The following LIMCH1 variants were observed in gnomAD, a reference collection of about 807,000 sequenced individuals.
The protein encoded by LIMCH1 is LIM and calponin homology domains-containing protein 1.
A neutral mutation model predicts 176.5 loss-of-function variants in LIMCH1; 113 were observed. The observed-to-expected ratio is 0.64, with a 90% CI of 0.55 to 0.75. The LOEUF is 0.75. Among genes scored for constraint, LIMCH1 ranks in the 30% least tolerant of loss-of-function variants. LIMCH1 has a pLI of 0.00. For synonymous variants in LIMCH1, 619 were observed against 645.9 expected, an observed-to-expected ratio of 0.96 and a Z score of 0.63; for missense variants, 1,674 against 1,814.9, an observed-to-expected ratio of 0.92 and a Z score of 1.41.
intron 1 of LIMCH1, among the ~76,000 whole-genome samples, chr4:41,455,057 G>A (rs1452718974): frequency 6.6e-6 from 1 of 151,756 alleles, no homozygotes; most frequent in Non-Finnish European, 1.5e-5. Context: ...CATAGATACA[G>A]TCATAAAATG....
intron 1 of LIMCH1, among the ~76,000 whole-genome samples, chr4:41,392,225 G>A (rs959841283): frequency 1.3e-5 from 2 of 152,114 alleles, no homozygotes; most frequent in Non-Finnish European, 2.9e-5. Flanking sequence ...ATTCTAGTAG[G>A]GATGTAATAA....
chr4:41,636,989 T>A lies in LIMCH1; in HGVS notation c.2091-1943T>A, dbSNP rs888001123. ...TAAAATGTTAATTAAAATATTCAAA[T>A]TGAAACACAAAAACACATAGCAACT... On this transcript the variant is annotated intron_variant, in intron 13 of 31. Transcript: ENST00000503057. Among the ~76,000 whole-genome samples, 4 of 152,326 alleles carry A rather than the reference T, an allele frequency of 2.6e-5. No homozygotes were observed. In the South Asian group the frequency reaches 6.2e-4, roughly 24 times the overall value.
intron 1 of LIMCH1, among the ~76,000 whole-genome samples, chr4:41,386,948 A>G (rs916929240): frequency 5.9e-5 from 9 of 152,180 alleles, no homozygotes; most frequent in East Asian, 1.9e-4. Flanking sequence ...GCTATATGCT[A>G]TGGTAAAACA....
chr4:41,663,161 G>GTGTGTGTGTA (rs2094690999), intron 20 of LIMCH1, among the ~76,000 whole-genome samples, 177 bp downstream of exon 20: 1 of 150,688 alleles, frequency 6.6e-6, no homozygotes, highest in Non-Finnish European at 1.5e-5. Context: ...GTGTGTGTGT[G>GTGTGTGTGTA]TGTGTGTGTG....
intron 1 of LIMCH1, among the ~76,000 whole-genome samples, chr4:41,432,689 T>G (rs919682967): frequency 9.2e-5 from 14 of 152,190 alleles, no homozygotes; most frequent in Non-Finnish European, 1.5e-5. Flanking sequence ...GAATGACAGC[T>G]ATAGTTTGAG....
intron 1 of LIMCH1, among the ~76,000 whole-genome samples, chr4:41,382,067 T>C (rs2055760101): frequency 6.6e-6 from 1 of 152,194 alleles, no homozygotes; most frequent in South Asian, 2.1e-4. Flanking sequence ...CCAGCTAAGA[T>C]CAGCAGTGCT....
intron 1 of LIMCH1, among the ~76,000 whole-genome samples, chr4:41,559,033 C>T (rs564115442): frequency 2.0e-4 from 30 of 151,916 alleles, no homozygotes; most frequent in Non-Finnish European, 3.7e-4. Flanking sequence ...GCATTGTCTT[C>T]GTGGCTGAAA....
intron 18 of LIMCH1, among the ~76,000 whole-genome samples, chr4:41,651,293 A>G (rs2094288529): frequency 6.6e-6 from 1 of 152,170 alleles, no homozygotes. Flanking sequence ...GGCATGAGCT[A>G]CCACACCCAG....
chr4:41,619,776 A>G (rs1166697141), intron 6 of LIMCH1: 2 of 322,898 alleles, frequency 6.2e-6, no homozygotes, highest in Non-Finnish European at 1.2e-5. Flanking sequence ...ATCCTGTCAG[A>G]TTAGGCGTAG....
chr4:41,626,322 A>G (rs2092947588), intron 7 of LIMCH1, among the ~76,000 whole-genome samples: 1 of 152,130 alleles, frequency 6.6e-6, no homozygotes, highest in African/African-American at 2.4e-5. Context: ...TTGCCCTGTC[A>G]GTCAAAAACA....
At chr4:41,365,643 T>A (rs1000292145) in intron 1 of LIMCH1, among the ~76,000 whole-genome samples, 1 of 152,194 alleles carries the variant, frequency 6.6e-6, no homozygotes. Flanking sequence ...AGAAAAAACT[T>A]TTCTGGCTAG....
At chr4:41,570,335 T>G (rs1002802482) in intron 1 of LIMCH1, among the ~76,000 whole-genome samples, 1 of 152,246 alleles carries the variant, frequency 6.6e-6, no homozygotes, top group African/African-American at 2.4e-5. Flanking sequence ...AAGAAATACT[T>G]TCAAAACATG....
At chr4:41,448,012 A>G (rs2063453632) in intron 1 of LIMCH1, among the ~76,000 whole-genome samples, 1 of 152,120 alleles carries the variant, frequency 6.6e-6, no homozygotes, top group African/African-American at 2.4e-5. Flanking sequence ...GCTGGTCTCA[A>G]ACTCCTGACC....
At chr4:41,565,069 C>A (rs907883891) in intron 1 of LIMCH1, among the ~76,000 whole-genome samples, 13 of 152,110 alleles carry the variant, frequency 8.5e-5, no homozygotes, top group African/African-American at 2.7e-4. Flanking sequence ...GACTGATACA[C>A]CCAATTAAAA....
chr4:41,646,707 A>G lies in LIMCH1; in HGVS notation c.2634A>G (p.Ser878=), dbSNP rs754764506. The change falls in exon 17 of 32, where the codon TCA becomes TCG. Residue 878 remains serine (S), a synonymous_variant. Transcript: ENST00000503057. ...CCATGAAATACCTGCGGCAACAGTC[A>G]CTGCCTCCACCCAAATTCACTGCCA... The part of the protein sequence containing the change: ...PNPMKYLRQQ[S]LPPPKFTATV... 6.2e-7 allele frequency: 1 copy of G among 1,614,198 alleles called. No homozygotes were observed. Among genetic ancestry groups the G allele is most frequent in the South Asian group, 1.1e-5 (1 of 91,082 alleles).
chr4:41,617,566 T>C (rs1322535085), intron 5 of LIMCH1, among the ~76,000 whole-genome samples: 1 of 152,152 alleles, frequency 6.6e-6, no homozygotes, highest in African/African-American at 2.4e-5. Context: ...AGGAGCTAAA[T>C]TGTGAGTCAA....
chr4:41,601,964 A>G (rs2089994765), intron 2 of LIMCH1, among the ~76,000 whole-genome samples: 1 of 152,040 alleles, frequency 6.6e-6, no homozygotes, highest in Admixed American at 6.6e-5. Context: ...CGGAAGCAGT[A>G]AGGTATAGGG....
intron 1 of LIMCH1, among the ~76,000 whole-genome samples, chr4:41,545,238 A>G (rs2079205616): frequency 6.6e-6 from 1 of 152,200 alleles, no homozygotes; most frequent in Non-Finnish European, 1.5e-5. Flanking sequence ...CAGATTTGCC[A>G]TTTCTAGATT....
intron 1 of LIMCH1, among the ~76,000 whole-genome samples, chr4:41,400,433 T>C (rs1273216730): frequency 1.3e-5 from 2 of 152,218 alleles, no homozygotes; most frequent in East Asian, 1.9e-4. Flanking sequence ...TATTTTAAAT[T>C]GGACTCTGTC....
Sources: gnomAD v4.1 joint callset for allele counts (sites outside exome capture counted in the v4.1 genomes callset) on GRCh38, gnomAD v4.1.1 for gene constraint, MANE v1.5 for transcripts, NCBI Gene and HGNC (gene_info 2026-07-23, HGNC 2026-07-21) for gene names.